SUSD1: variants seen among roughly 807,000 people sequenced by gnomAD.
SUSD1 encodes sushi domain containing 1.
In SUSD1, 65 loss-of-function variants were observed where a neutral mutation model predicts 86.9. The observed-to-expected ratio is 0.75, with a 90% confidence interval of 0.61 to 0.92. SUSD1 has a LOEUF of 0.92. Among genes scored for constraint, SUSD1 ranks in the 40% least tolerant of loss-of-function variants. The probability of loss-of-function intolerance (pLI) is 0.00; values close to 1 mark genes in which losing one functional copy is unlikely to be tolerated. For synonymous variants in SUSD1, 346 were observed against 350.0 expected, an observed-to-expected ratio of 0.99 and a Z score of 0.13; for missense variants, 850 against 929.7, an observed-to-expected ratio of 0.91 and a Z score of 1.11.
rs757562419 is a variant in SUSD1, at chr9:112,111,806, T to C, written c.1019A>G (p.Glu340Gly). 2.5e-6 allele frequency: 4 copies of C among 1,614,056 alleles called. No homozygotes were observed. In the Admixed American group the frequency reaches 6.7e-5, roughly 27 times the overall value. ...SIKGQRLDPM[E>G]SVREETVNLT... ...GTTGACTGTCTCCTCACGAACTGAT[T>C]CCATAGGGTCCAACCGTTGTCCTTT... is the stretch of plus-strand genomic sequence containing the variant. The change falls in exon 8 of 17, where the codon GAA becomes GGA. Residue 340 changes from glutamate (E) to glycine (G), a missense_variant. Physicochemically the swap from Glu to Gly is moderately conservative, Grantham distance 98. Coordinates refer to ENST00000374270, the MANE Select transcript of SUSD1 (RefSeq NM_022486.5).
At chr9:112,098,741 T>C in intron 9 of SUSD1, 79 bp from the exon 10 acceptor site, 1 of 1,329,916 alleles carries the variant, frequency 7.5e-7, no homozygotes, top group South Asian at 1.3e-5. Flanking sequence ...CAAAATGGAG[T>C]TAAAACAAGA....
chr9:112,151,528 T>C (rs1278816704), intron 2 of SUSD1, among the ~76,000 whole-genome samples: 2 of 147,756 alleles, frequency 1.4e-5, no homozygotes, highest in Non-Finnish European at 3.0e-5. Flanking sequence ...ACCCGGGAAG[T>C]GGAGGTTGTA....
chr9:112,112,343 A>G (rs1423038748), intron 7 of SUSD1, among the ~76,000 whole-genome samples: 1 of 152,204 alleles, frequency 6.6e-6, no homozygotes, highest in African/African-American at 2.4e-5. Flanking sequence ...TCAGAAAGCA[A>G]TTAGATTGAG....
chr9:112,157,840 T>C (rs373528849), intron 1 of SUSD1, among the ~76,000 whole-genome samples: 7 of 137,010 alleles, frequency 5.1e-5, no homozygotes, highest in Non-Finnish European at 7.9e-5. Context: ...TTTTTTTTTT[T>C]CAAGACATGG....
chr9:112,124,451 A>C lies in SUSD1; in HGVS notation c.707-15T>G, dbSNP rs1349260049. 1 of 1,608,384 alleles carries C rather than the reference A, an allele frequency of 6.2e-7. No homozygotes were observed. The highest frequency in any genetic ancestry group is 1.7e-5 in the Admixed American group (1 of 59,304). ...ACAGTTGATCTCTGCAATGGGAACC[A>C]AGACAGCACTGGTTATAAGCCCTGA... On this transcript the variant is annotated splice_polypyrimidine_tract_variant and intron_variant, in intron 5 of 16. Coordinates refer to ENST00000374270, the MANE Select transcript of SUSD1 (RefSeq NM_022486.5).
chr9:112,090,701 T>C (rs1247574874), intron 10 of SUSD1, among the ~76,000 whole-genome samples: 1 of 152,138 alleles, frequency 6.6e-6, no homozygotes, highest in African/African-American at 2.4e-5. Flanking sequence ...GGGGTAGAAG[T>C]GCAAGAAAGA....
chr9:112,138,576 G>A (rs1832420438), intron 5 of SUSD1, among the ~76,000 whole-genome samples: 1 of 151,240 alleles, frequency 6.6e-6, no homozygotes, highest in African/African-American at 2.4e-5. Context: ...AGACTCCTGA[G>A]TAGCTGGGAT....
chr9:112,087,722 T>C (rs187377021), intron 10 of SUSD1, among the ~76,000 whole-genome samples: 9 of 152,158 alleles, frequency 5.9e-5, no homozygotes, highest in Non-Finnish European at 1.2e-4. Flanking sequence ...ATAAAGTGAA[T>C]GAAGTGGAAT....
intron 6 of SUSD1, among the ~76,000 whole-genome samples, chr9:112,119,048 C>T (rs755287182): frequency 2.0e-5 from 3 of 152,128 alleles, no homozygotes; most frequent in Non-Finnish European, 4.4e-5. Flanking sequence ...GCTTACAGGC[C>T]TCAGTTCAAA....
chr9:112,156,466 A>C (rs1833327105), intron 2 of SUSD1, among the ~76,000 whole-genome samples: 1 of 152,134 alleles, frequency 6.6e-6, no homozygotes. Flanking sequence ...ATCTCAAAAA[A>C]AAAAAAAAAT....
intron 3 of SUSD1, among the ~76,000 whole-genome samples, chr9:112,144,263 A>G (rs571624024): frequency 5.9e-5 from 9 of 151,968 alleles, no homozygotes; most frequent in Non-Finnish European, 8.8e-5. Context: ...AGAAAATCCA[A>G]TCACTAAAAA....
At chr9:112,045,486 T>C (rs1361163462) in intron 15 of SUSD1, among the ~76,000 whole-genome samples, 1 of 120,004 alleles carries the variant, frequency 8.3e-6, no homozygotes, top group Admixed American at 7.7e-5. Flanking sequence ...TGTCCCCACA[T>C]TGTCCACAAG....
intron 8 of SUSD1, among the ~76,000 whole-genome samples, chr9:112,111,014 A>C (rs1831075460): frequency 6.6e-6 from 1 of 151,642 alleles, no homozygotes; most frequent in Non-Finnish European, 1.5e-5. Flanking sequence ...TTTGAGACAG[A>C]GTCTTGCCCT....
At chr9:112,086,694 G>T (rs2131578961) in intron 10 of SUSD1, among the ~76,000 whole-genome samples, 1 of 152,186 alleles carries the variant, frequency 6.6e-6, no homozygotes, top group African/African-American at 2.4e-5. Context: ...AGGATAAAAG[G>T]GAAGGAATGG....
chr9:112,061,697 T>C (rs1421634876), intron 13 of SUSD1, among the ~76,000 whole-genome samples: 1 of 152,244 alleles, frequency 6.6e-6, no homozygotes, highest in Non-Finnish European at 1.5e-5. Context: ...GAAAGATCTT[T>C]GCACATTTAC....
At chr9:112,059,623 T>A (rs1173507761) in intron 13 of SUSD1, among the ~76,000 whole-genome samples, 1 of 152,178 alleles carries the variant, frequency 6.6e-6, no homozygotes, top group Non-Finnish European at 1.5e-5. Context: ...CAGTAATATG[T>A]CATGTATGCA....
Position 112,149,415 on chromosome 9 carries a change from C to T in SUSD1, c.218-16G>A, listed in dbSNP as rs1422970206. 6.2e-7 allele frequency: 1 copy of T among 1,612,476 alleles called. No homozygotes were observed. Among genetic ancestry groups the T allele is most frequent in the African/African-American group, 1.3e-5 (1 of 74,986 alleles). ...TCATTTTTATCTGTTGACACACAGA[C>T]AAGGCACCGGAAGAGCTATCAATCC... On this transcript the variant is annotated splice_polypyrimidine_tract_variant and intron_variant, in intron 2 of 16. Coordinates refer to ENST00000374270, the MANE Select transcript of SUSD1 (RefSeq NM_022486.5).
intron 15 of SUSD1, among the ~76,000 whole-genome samples, chr9:112,042,899 C>A (rs1827802685): frequency 6.6e-6 from 1 of 152,158 alleles, no homozygotes; most frequent in Admixed American, 6.5e-5. Flanking sequence ...ATAGAATACA[C>A]CTTGTGTTAA....
At chr9:112,167,703 G>T (rs1031485334) in intron 1 of SUSD1, among the ~76,000 whole-genome samples, 29 of 152,276 alleles carry the variant, frequency 1.9e-4, no homozygotes, top group African/African-American at 5.5e-4. Flanking sequence ...AAAATGAGAA[G>T]AATAATAAAC....
Sources: gnomAD v4.1 joint callset for allele counts (sites outside exome capture counted in the v4.1 genomes callset) on GRCh38, gnomAD v4.1.1 for gene constraint, MANE v1.5 for transcripts, NCBI Gene and HGNC (gene_info 2026-07-23, HGNC 2026-07-21) for gene names.